IL17RE: variants seen among roughly 807,000 people sequenced by gnomAD.
IL17RE encodes interleukin-17 receptor E.
A neutral mutation model predicts 70.7 loss-of-function variants in IL17RE; 47 were observed. The ratio of observed to expected loss-of-function variants is 0.67; its 90% CI spans 0.53 to 0.85. The LOEUF (loss-of-function observed/expected upper bound fraction) is 0.85, where lower values mean the gene tolerates loss of function less well. Among genes scored for constraint, IL17RE ranks in the 40% least tolerant of loss-of-function variants. IL17RE has a pLI of 0.00. For missense variants in IL17RE, 850 were observed against 893.9 expected (o/e 0.95, Z 0.63); for synonymous variants, 372 against 381.2 (o/e 0.98, Z 0.28).
intron 3 of IL17RE, among the ~76,000 whole-genome samples, chr3:9,905,416 A>T (rs2082729784): frequency 1.3e-5 from 2 of 152,168 alleles, no homozygotes; most frequent in Non-Finnish European, 2.9e-5. Flanking sequence ...TGATTGTGCC[A>T]CTGCACTCCA....
chr3:9,913,663 C>T (rs2082944668), intron 12 of IL17RE, among the ~76,000 whole-genome samples: 1 of 152,218 alleles, frequency 6.6e-6, no homozygotes, highest in African/African-American at 2.4e-5. Context: ...TTGTGAGCTG[C>T]TAGAGGACAC....
intron 7 of IL17RE, 108 bp downstream of exon 7, chr3:9,908,415 T>C: frequency 1.1e-6 from 1 of 919,416 alleles, no homozygotes. Context: ...AAAGACTGAG[T>C]GTTACTGGCA....
At position 9,915,849 on chromosome 3, in the gene IL17RE, C is replaced by T. The variant is rs369417223; in HGVS notation, c.*42C>T. The T allele has an allele frequency of 4.1e-6, 6 of 1,462,820 alleles. No homozygotes were observed. Among genetic ancestry groups the T allele is most frequent in the Admixed American group, 5.3e-5 (2 of 37,528 alleles). The allele number at this position is 1,462,820 out of a possible 1,614,324, so 90.6% of individuals were successfully genotyped here. On this transcript the variant is annotated 3_prime_UTR_variant, in exon 16 of 16. Coordinates refer to ENST00000383814, the MANE Select transcript of IL17RE (RefSeq NM_153480.2). The surrounding 1 kb of genome is among the most constrained non-coding windows in gnomAD (Gnocchi z 4.9). ...GTCCCGGGTGTCTGCGGCCGCAACG[C>T]AACGGACACTGGCTGGAACCCCGGA...
intron 2 of IL17RE, 29 bp from the exon 3 acceptor site, chr3:9,904,003 T>C (rs1316857522): frequency 1.2e-6 from 2 of 1,613,626 alleles, no homozygotes; most frequent in African/African-American, 2.7e-5. Context: ...TTAGACCCTA[T>C]CATTTGCTTT....
intron 1 of IL17RE, 54 bp downstream of exon 1, chr3:9,903,118 C>G: frequency 6.7e-7 from 1 of 1,494,560 alleles, no homozygotes; most frequent in Non-Finnish European, 9.3e-7. Flanking sequence ...ATAAAGCTCC[C>G]CACTCCCCTG....
intron 8 of IL17RE, 139 bp downstream of exon 8, chr3:9,909,422 G>T (rs973795339): frequency 1.3e-6 from 1 of 775,726 alleles, no homozygotes. Flanking sequence ...AGGCATGCAG[G>T]TACTTTCCCT....
chr3:9,903,469 C>G, intron 2 of IL17RE, 57 bp downstream of exon 2: 1 of 1,570,074 alleles, frequency 6.4e-7, no homozygotes, highest in Non-Finnish European at 8.8e-7. Context: ...TTTGCAGATG[C>G]CTAGCAAGCC....
At chr3:9,902,131 A>G (rs557027333), upstream of IL17RE, among the ~76,000 whole-genome samples, 3 of 152,242 alleles carry the variant, frequency 2.0e-5, no homozygotes, top group Admixed American at 6.5e-5. Context: ...GGGTTCCCAC[A>G]AAGATGGAGC....
chr3:9,913,956 G>T lies in IL17RE; in HGVS notation c.1228G>T (p.Ala410Ser), dbSNP rs750632580. The change falls in exon 13 of 16, where the codon GCC becomes TCC. Residue 410 changes from alanine to serine, a missense_variant and splice_region_variant. Transcript: ENST00000383814. The part of the protein sequence containing the change: ...LVPPVYTVSQ[A>S]RGSSPVSLDL... Reference sequence around the variant, plus strand: ...GCCTTTCTGCTCTTTGTTTCTACAGGCCCGGGGCTCAAGCCCAGTGTCACT... The same window carrying T: ...GCCTTTCTGCTCTTTGTTTCTACAGTCCCGGGGCTCAAGCCCAGTGTCACT... 8 of 1,613,766 alleles carry T rather than the reference G, an allele frequency of 5.0e-6. No individual in the cohort carries two copies. In the South Asian group the frequency reaches 7.7e-5, roughly 16 times the overall value.
At position 9,902,916 on chromosome 3, in the gene IL17RE, T is replaced by G. The variant is rs1338485298; in HGVS notation, c.-17T>G. ...CCATGCAGCCATGTTCCGGGAGCCCTAATTGCACAGAAGCCCATGGGGAGC... is the reference window on the plus strand; with the variant it reads ...CCATGCAGCCATGTTCCGGGAGCCCGAATTGCACAGAAGCCCATGGGGAGC... On this transcript the variant is annotated 5_prime_UTR_variant, in exon 1 of 16. The change abolishes the stop of an existing upstream ORF in the 5' untranslated region. Transcript: ENST00000383814. 1.2e-6 allele frequency: 2 copies of G among 1,614,102 alleles called. No individual in the cohort carries two copies. Among genetic ancestry groups the G allele is most frequent in the Non-Finnish European group, 1.7e-6 (2 of 1,180,036 alleles).
rs60406150 is a variant in IL17RE at position 9,909,374 on chromosome 3, C to CA, written c.802+91_802+92insA. ...ACATGTACACACACACACACACACA[C>CA]CCCGCACTTCACACATGTGCTGGGG... On this transcript the variant is annotated intron_variant, in intron 8 of 15. Coordinates refer to ENST00000383814, the MANE Select transcript of IL17RE (RefSeq NM_153480.2). 3.3e-3 allele frequency: 3,688 copies of CA among 1,109,090 alleles called. 59 individuals carry two copies. In the African/African-American group the frequency reaches 0.05, roughly 15 times the overall value. 68.7% of individuals were successfully genotyped at this position (1,109,090 alleles called of 1,614,324 possible).
At chr3:9,912,611 C>G (rs1027122787) in intron 12 of IL17RE, among the ~76,000 whole-genome samples, 1 of 152,248 alleles carries the variant, frequency 6.6e-6, no homozygotes, top group Non-Finnish European at 1.5e-5. Context: ...ATGACTAGCT[C>G]TTTCAAACAG....
At chr3:9,914,210 A>T (rs1397177992) in intron 13 of IL17RE, among the ~76,000 whole-genome samples, 186 bp downstream of exon 13, 1 of 152,274 alleles carries the variant, frequency 6.6e-6, no homozygotes, top group Non-Finnish European at 1.5e-5. Flanking sequence ...TTGAAAAATC[A>T]GAAAAACCTA....
chr3:9,904,011 T>C (rs750612637), intron 2 of IL17RE, 21 bp from the exon 3 acceptor site: 1 of 1,613,952 alleles, frequency 6.2e-7, no homozygotes, highest in African/African-American at 1.3e-5. Context: ...TATCATTTGC[T>C]TTCCCTTCCA....
intron 11 of IL17RE, 57 bp from the exon 12 acceptor site, chr3:9,911,386 C>A: frequency 6.2e-7 from 1 of 1,612,920 alleles, no homozygotes; most frequent in African/African-American, 1.3e-5. Flanking sequence ...CAGCCCAGCC[C>A]TGAATTCATC....
Position 9,915,357 on chromosome 3 carries a change from C to G in IL17RE, c.1554C>G (p.Gly518=). 2 of 1,364,176 alleles carry G rather than the reference C, an allele frequency of 1.5e-6. No homozygotes were observed. The highest frequency in any genetic ancestry group is 1.9e-6 in the Non-Finnish European group (2 of 1,067,354). 84.5% of individuals were successfully genotyped at this position (1,364,176 alleles called of 1,614,324 possible). ...LAELLRAALG[G]GRDVIVDLWE... is the part of the protein sequence containing the mutation. Reference sequence around the variant, plus strand: ...AACTGCTACGGGCAGCGCTGGGCGGCGGGCGCGACGTGATCGTGGACCTGT... The same window carrying G: ...AACTGCTACGGGCAGCGCTGGGCGGGGGGCGCGACGTGATCGTGGACCTGT... The change falls in exon 16 of 16, where the codon GGC becomes GGG. Residue 518 remains glycine (G), a synonymous_variant. Coordinates refer to ENST00000383814, the MANE Select transcript of IL17RE (RefSeq NM_153480.2). The surrounding 1 kb of genome is among the most constrained non-coding windows in gnomAD (Gnocchi z 4.9).
chr3:9,914,259 T>TG (rs1245234561), intron 13 of IL17RE: 6 of 717,158 alleles, frequency 8.4e-6, no homozygotes, highest in Non-Finnish European at 1.3e-5. Flanking sequence ...GACAATGGCC[T>TG]GGAGCTCAGT....
chr3:9,902,562 G>A (rs2125066948), upstream of IL17RE: 1 of 1,443,744 alleles, frequency 6.9e-7, no homozygotes, highest in Non-Finnish European at 9.4e-7. Context: ...TCCAGAGTGT[G>A]CTGATGGGTG....
At position 9,916,012 on chromosome 3, in the gene IL17RE, G is replaced by A. The variant is rs1375402784; in HGVS notation, c.*205G>A. ...TTCCTCCTCATACTTTCCCTTGACT[G>A]AGAGCTCCTCTAACCCCTGTTCTGA... On this transcript the variant is annotated 3_prime_UTR_variant, in exon 16 of 16. Transcript: ENST00000383814. 1.1e-6 allele frequency: 1 copy of A among 898,850 alleles called. No individual in the cohort carries two copies. Among genetic ancestry groups the A allele is most frequent in the Non-Finnish European group, 1.5e-6 (1 of 656,806 alleles). The allele number at this position is 898,850 out of a possible 1,614,324, so 55.7% of individuals were successfully genotyped here. A position where few individuals can be genotyped will look rare whatever the true frequency, so the allele number is the denominator to read the frequency against.
Sources: gnomAD v4.1 joint callset for allele counts (sites outside exome capture counted in the v4.1 genomes callset) on GRCh38, gnomAD v4.1.1 for gene constraint, Gnocchi (gnomAD v3.1) non-coding constraint, MANE v1.5 for transcripts, NCBI Gene and HGNC (gene_info 2026-07-23, HGNC 2026-07-21) for gene names.